PLCG2: variants seen among roughly 807,000 people sequenced by gnomAD.
PLCG2 encodes the protein phospholipase C gamma 2.
In PLCG2, 69 loss-of-function variants were observed where a neutral mutation model predicts 175.6. The observed-to-expected ratio is 0.39, with a 90% CI of 0.32 to 0.48. The LOEUF is 0.48. PLCG2 is among the 20% of genes least tolerant of loss of function. The pLI is 0.91. For missense variants in PLCG2, 1,798 were observed against 1,650.9 expected (o/e 1.09, Z -1.54); for synonymous variants, 827 against 624.0 (o/e 1.33, Z -4.85).
chr16:81,939,631 C>G (rs1910857265), intron 29 of PLCG2, among the ~76,000 whole-genome samples: 1 of 152,188 alleles, frequency 6.6e-6, no homozygotes. Flanking sequence ...GTTCCCTTGT[C>G]CCTGATCCTG....
At chr16:81,883,205 TCTC>T (rs1908176295) in intron 8 of PLCG2, 61 bp from the exon 9 acceptor site, 2 of 1,448,240 alleles carry the variant, frequency 1.4e-6, no homozygotes, top group Admixed American at 1.7e-5. Context: ...TTGGCTGGCA[TCTC>T]CTCTCGACTC....
intron 11 of PLCG2, among the ~76,000 whole-genome samples, chr16:81,892,014 G>A (rs1374984453): frequency 2.0e-5 from 3 of 152,224 alleles, no homozygotes; most frequent in Admixed American, 6.5e-5. Flanking sequence ...CAGCAGCCAT[G>A]TCCTCATGTG....
chr16:81,874,959 T>G (rs1907701824), intron 7 of PLCG2, among the ~76,000 whole-genome samples: 1 of 143,310 alleles, frequency 7.0e-6, no homozygotes, highest in East Asian at 2.0e-4. Flanking sequence ...TTTTTTTTTT[T>G]TTTTTTTTTT....
chr16:81,877,821 TA>T, intron 7 of PLCG2, among the ~76,000 whole-genome samples: 1 of 151,644 alleles, frequency 6.6e-6, no homozygotes, highest in Middle Eastern at 3.2e-3. Flanking sequence ...CCTTGGCTTG[TA>T]GATGTCATTG....
At position 81,942,657 on chromosome 16, in the gene PLCG2, G is replaced by A. The variant is rs547659050; in HGVS notation, c.3481+2598G>A. On this transcript the variant is annotated intron_variant, in intron 30 of 32. Coordinates refer to ENST00000564138, the MANE Select transcript of PLCG2 (RefSeq NM_002661.5). ...TCCTCACAGTAATCCTGTGAAAGGG[G>A]TTTTATCTTTGGTTTTAAAATTCTG... Among the ~76,000 whole-genome samples, 10 of 152,202 alleles carry A rather than the reference G, an allele frequency of 6.6e-5. 1 individual carries two copies. Among genetic ancestry groups the A allele is most frequent in the Middle Eastern group, 6.8e-3 (2 of 294 alleles).
chr16:81,936,492 C>G, intron 27 of PLCG2, 114 bp downstream of exon 27: 1 of 814,282 alleles, frequency 1.2e-6, no homozygotes, highest in East Asian at 2.6e-5. Flanking sequence ...AGTGATTTGT[C>G]CGAGGGACTG....
intron 2 of PLCG2, chr16:81,767,561 A>C (rs1910178572): frequency 6.6e-6 from 1 of 152,038 alleles, no homozygotes; most frequent in African/African-American, 2.4e-5. Flanking sequence ...TATCACTTGT[A>C]TTGTAATAAA....
chr16:81,790,526 A>G (rs1292220280), intron 2 of PLCG2, among the ~76,000 whole-genome samples: 1 of 152,172 alleles, frequency 6.6e-6, no homozygotes, highest in Non-Finnish European at 1.5e-5. Flanking sequence ...GTTTTATCTC[A>G]AGAAGAACTC....
chr16:81,947,135 A>G (rs4284633), intron 31 of PLCG2, among the ~76,000 whole-genome samples: 139,424 of 152,280 alleles, frequency 0.92, 63,853 homozygotes, highest in East Asian at 0.96. Context: ...CGGAAACATT[A>G]TAAATAATTT....
chr16:81,819,686 G>C (rs925674935), intron 2 of PLCG2, among the ~76,000 whole-genome samples: 1 of 152,194 alleles, frequency 6.6e-6, no homozygotes, highest in African/African-American at 2.4e-5. Context: ...CTGGTTTCAA[G>C]CGAATATCCT....
intron 2 of PLCG2, among the ~76,000 whole-genome samples, chr16:81,831,916 A>G (rs1282276323): frequency 6.6e-6 from 1 of 152,174 alleles, no homozygotes; most frequent in African/African-American, 2.4e-5. Flanking sequence ...CCACAAATGA[A>G]GACTCATTTG....
At chr16:81,844,101 C>T (rs375517959) in intron 2 of PLCG2, among the ~76,000 whole-genome samples, 25 of 148,632 alleles carry the variant, frequency 1.7e-4, no homozygotes, top group East Asian at 1.2e-3. Flanking sequence ...CTCAGCCTCC[C>T]GAGTAGCTGG....
upstream of PLCG2, among the ~76,000 whole-genome samples, chr16:81,775,579 T>A (rs1427196671): frequency 6.6e-6 from 1 of 152,110 alleles, no homozygotes; most frequent in East Asian, 1.9e-4. Flanking sequence ...CCCATAGGTA[T>A]AATAATGAGG....
At chr16:81,800,675 T>C (rs1227108609) in intron 2 of PLCG2, among the ~76,000 whole-genome samples, 2 of 152,006 alleles carry the variant, frequency 1.3e-5, no homozygotes, top group Non-Finnish European at 2.9e-5. Flanking sequence ...CTATTATTAT[T>C]ATTATTATTA....
At chr16:81,929,309 G>A (rs866574565) in intron 24 of PLCG2, among the ~76,000 whole-genome samples, 10 of 152,328 alleles carry the variant, frequency 6.6e-5, no homozygotes, top group Middle Eastern at 3.4e-3. Context: ...GGGCAGGCAC[G>A]GGCATGCTCC....
intron 2 of PLCG2, among the ~76,000 whole-genome samples, chr16:81,805,413 G>A (rs1298644493): frequency 6.6e-6 from 1 of 150,922 alleles, no homozygotes; most frequent in South Asian, 2.1e-4. Context: ...GCAGGAGAAT[G>A]GCGTTAACCC....
chr16:81,866,411 C>T (rs571112863), intron 5 of PLCG2, among the ~76,000 whole-genome samples: 1 of 95,148 alleles, frequency 1.1e-5, no homozygotes, highest in African/African-American at 3.4e-5. Flanking sequence ...CTCTCCCTTG[C>T]TCCCAGGATG....
At chr16:81,841,268 A>T (rs1905815157) in intron 2 of PLCG2, among the ~76,000 whole-genome samples, 1 of 151,626 alleles carries the variant, frequency 6.6e-6, no homozygotes. Flanking sequence ...ATAGAGTCTC[A>T]CTGAGTCGCC....
intron 22 of PLCG2, among the ~76,000 whole-genome samples, chr16:81,926,848 T>G (rs72824930): frequency 0.013 from 2,022 of 152,336 alleles, 23 homozygotes; most frequent in Admixed American, 0.019. Context: ...GATTAAACAT[T>G]AAGATCATGT....
Sources: allele counts gnomAD v4.1 joint callset (sites outside exome capture counted in the v4.1 genomes callset), GRCh38; gene constraint gnomAD v4.1.1; transcripts MANE v1.5; gene names NCBI Gene and HGNC (gene_info 2026-07-23, HGNC 2026-07-21).